The following CADM1 variants were observed in gnomAD, a reference collection of about 807,000 sequenced individuals.
CADM1 encodes TSLC-1.
A neutral mutation model predicts 53.1 loss-of-function variants in CADM1; 15 were observed. That is an observed-to-expected ratio of 0.28 (90% CI 0.19 to 0.44). CADM1 has a LOEUF of 0.44. CADM1 is among the 20% of genes least tolerant of loss of function. The pLI, the probability that CADM1 is intolerant of heterozygous loss-of-function variation, is 1.00. For missense variants in CADM1, 434 were observed against 611.3 expected, an observed-to-expected ratio of 0.71 and a Z score of 3.06; for synonymous variants, 281 against 243.0, an observed-to-expected ratio of 1.16 and a Z score of -1.45.
intron 1 of CADM1, among the ~76,000 whole-genome samples, chr11:115,485,895 C>T (rs921020321): frequency 6.6e-6 from 1 of 152,216 alleles, no homozygotes; most frequent in African/African-American, 2.4e-5. Flanking sequence ...ACATTTCTAC[C>T]TGAATGTTCC....
At chr11:115,312,654 C>T (rs1234144755) in intron 1 of CADM1, among the ~76,000 whole-genome samples, 1 of 152,088 alleles carries the variant, frequency 6.6e-6, no homozygotes, top group Non-Finnish European at 1.5e-5. Context: ...CCCCACCTTA[C>T]CAAAAATAAA....
At chr11:115,265,003 A>G (rs1943093742) in intron 1 of CADM1, among the ~76,000 whole-genome samples, 1 of 152,286 alleles carries the variant, frequency 6.6e-6, no homozygotes, top group Non-Finnish European at 1.5e-5. Flanking sequence ...ACACGCACAC[A>G]CTCAAACCAT....
chr11:115,495,216 G>A (rs1949583725), intron 1 of CADM1, among the ~76,000 whole-genome samples: 1 of 152,068 alleles, frequency 6.6e-6, no homozygotes, highest in Admixed American at 6.5e-5. Flanking sequence ...ATGAAGCAAT[G>A]CTCCTTTTTT....
chr11:115,359,179 T>C (rs1277909780), intron 1 of CADM1, among the ~76,000 whole-genome samples: 1 of 152,198 alleles, frequency 6.6e-6, no homozygotes, highest in Non-Finnish European at 1.5e-5. Flanking sequence ...TAAAATGTTG[T>C]TATGAAGACT....
intron 1 of CADM1, among the ~76,000 whole-genome samples, chr11:115,360,828 T>C (rs1946007526): frequency 6.6e-6 from 1 of 152,214 alleles, no homozygotes; most frequent in Non-Finnish European, 1.5e-5. Context: ...AAAATCTTAC[T>C]AGGTTCCTAA....
intron 10 of CADM1, among the ~76,000 whole-genome samples, chr11:115,180,232 C>A (rs1475823035): frequency 6.6e-6 from 1 of 152,118 alleles, no homozygotes; most frequent in Admixed American, 6.5e-5. Context: ...TAACTCGTGA[C>A]TGAGGGTTCC....
In CADM1 at chr11:115,198,464, G is replaced by A. The variant is rs1376780950; in HGVS notation, c.1079-26C>T. On this transcript the variant is annotated intron_variant, in intron 8 of 11. Coordinates refer to ENST00000331581, the MANE Select transcript of CADM1 (RefSeq NM_001301043.2). ...CTACAGACGGGAACAGAGGATTGGA[G>A]GAAGGGAAGAAACAGGAGGAACGGC... The A allele has an allele frequency of 5.7e-6, 9 of 1,591,536 alleles. No individual in the cohort carries two copies. The Middle Eastern group carries it at 6.6e-4, about 117-fold the overall frequency.
At chr11:115,458,020 T>C (rs1337862915) in intron 1 of CADM1, among the ~76,000 whole-genome samples, 1 of 152,088 alleles carries the variant, frequency 6.6e-6, no homozygotes, top group Non-Finnish European at 1.5e-5. Flanking sequence ...CATGACTACC[T>C]GTGGCGTTTA....
intron 1 of CADM1, among the ~76,000 whole-genome samples, chr11:115,273,845 C>A (rs1225928503): frequency 6.6e-6 from 1 of 152,172 alleles, no homozygotes; most frequent in Non-Finnish European, 1.5e-5. Context: ...GGCTATAGCT[C>A]ATGATAAATT....
chr11:115,188,463 A>G (rs1454929936), intron 10 of CADM1, among the ~76,000 whole-genome samples: 1 of 152,212 alleles, frequency 6.6e-6, no homozygotes, highest in African/African-American at 2.4e-5. Flanking sequence ...ATGGAGCACC[A>G]TATGTTGCTT....
chr11:115,422,226 C>A (rs960541878), intron 1 of CADM1, among the ~76,000 whole-genome samples: 2 of 152,100 alleles, frequency 1.3e-5, no homozygotes, highest in Non-Finnish European at 2.9e-5. Context: ...TGGAAAATGC[C>A]GCTCTCAGAC....
intron 1 of CADM1, among the ~76,000 whole-genome samples, chr11:115,410,752 T>G (rs1051466186): frequency 1.3e-5 from 2 of 152,090 alleles, no homozygotes; most frequent in African/African-American, 4.8e-5. Flanking sequence ...CTTAACACAT[T>G]TAATAAACAA....
chr11:115,174,403 C>T lies in CADM1; in HGVS notation c.*2071G>A, dbSNP rs139184287. The T allele has an allele frequency of 1.1e-4, 107 of 985,358 alleles. 1 individual carries two copies. The East Asian group carries it at 5.9e-3, about 54-fold the overall frequency. 61.0% of individuals were successfully genotyped at this position (985,358 alleles called of 1,614,324 possible). A position where few individuals can be genotyped will look rare whatever the true frequency, so the allele number is the denominator to read the frequency against. On this transcript the variant is annotated 3_prime_UTR_variant, in exon 12 of 12. Coordinates refer to ENST00000331581, the MANE Select transcript of CADM1 (RefSeq NM_001301043.2). ...ATGGTCGGAATGGGTGCTAAGGGCT[C>T]GGAATAGAGCTGCAGATTATAAAAT...
intron 3 of CADM1, among the ~76,000 whole-genome samples, chr11:115,235,507 C>G (rs1282454550): frequency 6.6e-6 from 1 of 152,076 alleles, no homozygotes; most frequent in African/African-American, 2.4e-5. Flanking sequence ...AGATGAAAAC[C>G]TGAATGAAAA....
chr11:115,236,683 T>C (rs1942022492), intron 3 of CADM1, among the ~76,000 whole-genome samples: 1 of 152,038 alleles, frequency 6.6e-6, no homozygotes, highest in Non-Finnish European at 1.5e-5. Context: ...TGACAGGCAG[T>C]AGTAACTGCT....
chr11:115,227,043 C>G (rs1476963801), intron 5 of CADM1, among the ~76,000 whole-genome samples: 1 of 151,968 alleles, frequency 6.6e-6, no homozygotes, highest in Admixed American at 6.6e-5. Flanking sequence ...AATATTTTTC[C>G]TTATGTATAT....
At chr11:115,500,542 C>G (rs1949707170) in intron 1 of CADM1, among the ~76,000 whole-genome samples, 1 of 152,176 alleles carries the variant, frequency 6.6e-6, no homozygotes, top group African/African-American at 2.4e-5. Flanking sequence ...TCCAAGAGCA[C>G]CATCAATAAG....
At chr11:115,214,466 C>A in intron 7 of CADM1, 142 bp downstream of exon 7, 1 of 780,116 alleles carries the variant, frequency 1.3e-6, no homozygotes, top group Non-Finnish European at 2.2e-6. Context: ...TAGGGTCCAC[C>A]TCAGGCCAGG....
rs754133966 is a variant in CADM1 at position 115,357,662 on chromosome 11, G to A, written c.125-117242C>T. Reference sequence around the variant, plus strand: ...CTTTCCCAAAAATACTGTTTGTGACGATTCATAACATAATGTATTTTGAGC... The same window carrying A: ...CTTTCCCAAAAATACTGTTTGTGACAATTCATAACATAATGTATTTTGAGC... On this transcript the variant is annotated intron_variant, in intron 1 of 11. Coordinates refer to ENST00000331581, the MANE Select transcript of CADM1 (RefSeq NM_001301043.2). Among the ~76,000 whole-genome samples the A allele has an allele frequency of 8.2e-4, 125 of 152,230 alleles. 1 individual carries two copies. In the Middle Eastern group the frequency reaches 0.01, roughly 12 times the overall value.
Sources: gnomAD v4.1 joint callset for allele counts (sites outside exome capture counted in the v4.1 genomes callset) on GRCh38, gnomAD v4.1.1 for gene constraint, MANE v1.5 for transcripts, NCBI Gene and HGNC (gene_info 2026-07-23, HGNC 2026-07-21) for gene names.